The following NTRK2 variants were observed in gnomAD, a reference collection of about 807,000 sequenced individuals.
The protein encoded by NTRK2 is BDNF/NT-3 growth factors receptor.
NTRK2 carries 13 observed loss-of-function variants against 94.5 expected under a neutral mutation model. That is an observed-to-expected ratio of 0.14 (90% CI 0.09 to 0.22). The LOEUF (loss-of-function observed/expected upper bound fraction) is 0.22. Ranked by LOEUF, NTRK2 falls within the 10% of genes least tolerant of loss-of-function variation. The pLI, the probability that NTRK2 is intolerant of heterozygous loss-of-function variation, is 1.00. For missense variants in NTRK2, 639 were observed against 1,071.2 expected (o/e 0.60, Z 5.63); for synonymous variants, 372 against 407.4 (o/e 0.91, Z 1.05).
At chr9:84,778,790 G>A (rs147632863) in intron 12 of NTRK2, among the ~76,000 whole-genome samples, 3 of 152,254 alleles carry the variant, frequency 2.0e-5, no homozygotes, top group African/African-American at 7.2e-5. Flanking sequence ...GTGCCTTCAC[G>A]GACACCGTGC....
intron 12 of NTRK2, among the ~76,000 whole-genome samples, chr9:84,779,749 T>C (rs1184748236): frequency 2.6e-5 from 4 of 152,230 alleles, no homozygotes; most frequent in Non-Finnish European, 5.9e-5. Flanking sequence ...ATCAAGAAGG[T>C]GAGGCATTTA....
chr9:84,688,587 A>G (rs1173130567), intron 2 of NTRK2, among the ~76,000 whole-genome samples: 1 of 152,198 alleles, frequency 6.6e-6, no homozygotes, highest in Non-Finnish European at 1.5e-5. Flanking sequence ...GAGAATTGTT[A>G]AACGTCATTA....
intron 13 of NTRK2, among the ~76,000 whole-genome samples, chr9:84,864,670 G>T (rs1455217587): frequency 6.6e-6 from 1 of 152,062 alleles, no homozygotes; most frequent in African/African-American, 2.4e-5. Flanking sequence ...ACCAAGGAAG[G>T]GAGTCAGTGG....
At position 84,887,738 on chromosome 9, in the gene NTRK2, G is replaced by A. The variant is rs140154895; in HGVS notation, c.1633+20307G>A. 3.3e-3 allele frequency among the ~76,000 whole-genome samples: 498 copies of A among 152,210 alleles called. 15 individuals carry two copies. Among genetic ancestry groups the A allele is most frequent in the Admixed American group, 0.028 (431 of 15,282 alleles). On this transcript the variant is annotated intron_variant, in intron 14 of 18. Coordinates refer to ENST00000277120, the MANE Select transcript of NTRK2 (RefSeq NM_006180.6). ...GATAGACATCTCCAGCAGGACCAGC[G>A]GCATCCATTCTCAGCTTGACTTTGT...
At chr9:84,931,904 C>CTAATGAACACATTTCTCTCCTCTTAAA (rs2078050652) in intron 14 of NTRK2, among the ~76,000 whole-genome samples, 3 of 152,076 alleles carry the variant, frequency 2.0e-5, no homozygotes, top group Non-Finnish European at 4.4e-5. Context: ...GGCACTCTCC[C>CTAATGAACACATTTCTCTCCTCTTAAA]TAATGAACAC....
At chr9:84,920,831 G>A (rs2077542249) in intron 14 of NTRK2, among the ~76,000 whole-genome samples, 1 of 152,188 alleles carries the variant, frequency 6.6e-6, no homozygotes, top group African/African-American at 2.4e-5. Context: ...GAATCTTTCA[G>A]CCATCCCCAC....
chr9:84,950,225 G>A lies in NTRK2; in HGVS notation c.1937+1591G>A, dbSNP rs556567176. Among the ~76,000 whole-genome samples, 5 of 152,284 alleles carry A rather than the reference G, an allele frequency of 3.3e-5. No individual in the cohort carries two copies. In the East Asian group the frequency reaches 7.7e-4, roughly 24 times the overall value. ...TGTCAGCTGGTAAACCAGCTGCCTC[G>A]GTAAGAGAAATCACAAGGAGAGCTG... On this transcript the variant is annotated intron_variant, in intron 16 of 18. Coordinates refer to ENST00000277120, the MANE Select transcript of NTRK2 (RefSeq NM_006180.6).
intron 14 of NTRK2, among the ~76,000 whole-genome samples, chr9:84,883,348 C>G (rs2076322239): frequency 6.6e-6 from 1 of 152,166 alleles, no homozygotes; most frequent in Non-Finnish European, 1.5e-5. Context: ...GCCTTCCCAG[C>G]TTTGCTGATA....
intron 12 of NTRK2, among the ~76,000 whole-genome samples, chr9:84,763,882 T>C (rs2065815733): frequency 6.6e-6 from 1 of 152,144 alleles, no homozygotes; most frequent in South Asian, 2.1e-4. Context: ...AGAACATGGC[T>C]TCTCTTTTTC....
chr9:84,940,512 G>T (rs1449795270), intron 15 of NTRK2, among the ~76,000 whole-genome samples: 2 of 152,144 alleles, frequency 1.3e-5, no homozygotes, highest in Non-Finnish European at 2.9e-5. Flanking sequence ...TTCCCCAAGA[G>T]GGAAAATACT....
chr9:84,978,357 G>C (rs1453239667), intron 17 of NTRK2, among the ~76,000 whole-genome samples: 2 of 152,136 alleles, frequency 1.3e-5, no homozygotes, highest in African/African-American at 4.8e-5. Flanking sequence ...TAGGGAGAAA[G>C]CTTCAGTGGT....
At chr9:84,678,189 T>C in intron 2 of NTRK2, among the ~76,000 whole-genome samples, 1 of 152,222 alleles carries the variant, frequency 6.6e-6, no homozygotes, top group Non-Finnish European at 1.5e-5. Context: ...AGAATGTGCT[T>C]CCCTAAACCA....
chr9:84,948,703 TG>T lies in NTRK2; in HGVS notation c.1937+72del, dbSNP rs1161663879. 2.4e-5 allele frequency: 36 copies of T among 1,473,622 alleles called. No homozygotes were observed. The Admixed American group carries it at 6.2e-4, about 26-fold the overall frequency. 91.3% of individuals were successfully genotyped at this position (1,473,622 alleles called of 1,614,324 possible). A position where few individuals can be genotyped will look rare whatever the true frequency, so the allele number is the denominator to read the frequency against. On this transcript the variant is annotated intron_variant, in intron 16 of 18. Transcript: ENST00000277120. The stretch of plus-strand genomic sequence containing the variant: ...TCAGGGTTCAGGAGTGGAGGGTTCA[TG>T]GGAGGGAACAAGGGACCCCTGGACC...
At chr9:84,939,051 CAAAAAAAAA>C (rs138558531) in intron 15 of NTRK2, among the ~76,000 whole-genome samples, 1 of 68,414 alleles carries the variant, frequency 1.5e-5, no homozygotes. Context: ...GACCCCAACT[CAAAAAAAAA>C]AAAAAAAAAA....
intron 14 of NTRK2, among the ~76,000 whole-genome samples, chr9:84,883,541 A>G (rs1019824141): frequency 2.6e-5 from 4 of 152,214 alleles, no homozygotes; most frequent in South Asian, 2.1e-4. Context: ...CCATGAGGCC[A>G]TGGTTCTTGT....
At chr9:84,781,864 G>A (rs1323572302) in intron 12 of NTRK2, among the ~76,000 whole-genome samples, 1 of 152,096 alleles carries the variant, frequency 6.6e-6, no homozygotes, top group East Asian at 1.9e-4. Flanking sequence ...AATTTCTCTA[G>A]CGTCTTTCTT....
At position 84,801,957 on chromosome 9, in the gene NTRK2, T is replaced by C. The variant is rs372551294; in HGVS notation, c.1396+49872T>C. Among the ~76,000 whole-genome samples the C allele has an allele frequency of 8.1e-4, 123 of 152,356 alleles. 5 individuals carry two copies. In the South Asian group the frequency reaches 0.024, roughly 30 times the overall value. ...GCTTTCGCAGAAGGAAATGCATTTG[T>C]CCATCACATGTTTTTCAAGGCCTCT... is the stretch of plus-strand genomic sequence containing the variant. On this transcript the variant is annotated intron_variant, in intron 12 of 18. Transcript: ENST00000277120.
intron 12 of NTRK2, among the ~76,000 whole-genome samples, chr9:84,818,768 A>G (rs908382146): frequency 6.6e-6 from 1 of 152,134 alleles, no homozygotes; most frequent in Non-Finnish European, 1.5e-5. Context: ...CTTGAGGGAA[A>G]CCTTGCGAGT....
At chr9:84,932,445 A>T (rs1387948202) in intron 14 of NTRK2, among the ~76,000 whole-genome samples, 1 of 152,162 alleles carries the variant, frequency 6.6e-6, no homozygotes, top group Non-Finnish European at 1.5e-5. Context: ...GTTACTGGTG[A>T]TATTCTATTT....
Sources: gnomAD v4.1 joint callset for allele counts (sites outside exome capture counted in the v4.1 genomes callset) on GRCh38, gnomAD v4.1.1 for gene constraint, MANE v1.5 for transcripts, NCBI Gene and HGNC (gene_info 2026-07-23, HGNC 2026-07-21) for gene names.